Variants in COL6A3 observed in about 807,000 individuals in gnomAD.
The protein encoded by COL6A3 is collagen alpha-3(VI) chain.
Under a neutral mutation model 274.1 loss-of-function variants are expected in COL6A3, and 137 were observed. That is an observed-to-expected ratio of 0.50 (90% CI 0.44 to 0.58). COL6A3 has a LOEUF of 0.58. Among genes scored for constraint, COL6A3 ranks in the 20% least tolerant of loss-of-function variants. COL6A3 has a pLI of 0.00. For synonymous variants in COL6A3, 1,650 were observed against 1,650.6 expected, an observed-to-expected ratio of 1.00 and a Z score of 0.01; for missense variants, 3,950 against 4,124.9, an observed-to-expected ratio of 0.96 and a Z score of 1.16.
chr2:237,381,908 T>G (rs545202748), intron 4 of COL6A3, among the ~76,000 whole-genome samples: 5 of 152,184 alleles, frequency 3.3e-5, no homozygotes, highest in Non-Finnish European at 7.3e-5. Context: ...TGCCTCACAG[T>G]CTTCATTTCA....
chr2:237,408,618 C>G (rs1183718263), intron 1 of COL6A3, among the ~76,000 whole-genome samples: 3 of 152,200 alleles, frequency 2.0e-5, no homozygotes, highest in African/African-American at 7.2e-5. Flanking sequence ...ATGAGCTCTT[C>G]CTTCCAGTGA....
intron 7 of COL6A3, among the ~76,000 whole-genome samples, chr2:237,376,277 A>G (rs1335150945): frequency 1.3e-5 from 2 of 152,190 alleles, no homozygotes; most frequent in African/African-American, 4.8e-5. Context: ...TGGCAGTGTC[A>G]ATTAGCAGTT....
chr2:237,339,145 T>A (rs770693122), intron 38 of COL6A3, 28 bp from the exon 39 acceptor site: 2 of 1,459,608 alleles, frequency 1.4e-6, no homozygotes, highest in Non-Finnish European at 1.9e-6. Flanking sequence ...AGAAAACAAT[T>A]GAACCGCATG....
At chr2:237,373,706 C>A (rs1042778474) in intron 8 of COL6A3, among the ~76,000 whole-genome samples, 2 of 152,150 alleles carry the variant, frequency 1.3e-5, no homozygotes, top group Non-Finnish European at 2.9e-5. Context: ...ACTGTGAACC[C>A]CCCCCACCCG....
rs113823853 is a variant in COL6A3, at chr2:237,345,263, G to A, written c.7093-50C>T. On this transcript the variant is annotated intron_variant, in intron 32 of 43. Coordinates refer to ENST00000295550, the MANE Select transcript of COL6A3 (RefSeq NM_004369.4). Reference sequence around the variant, plus strand: ...GAGAGGCACAGCAGATGGGGAATTCGAATAAACAGGCTTTGGCCCCCAGAA... The same window carrying A: ...GAGAGGCACAGCAGATGGGGAATTCAAATAAACAGGCTTTGGCCCCCAGAA... 1,852 of 1,586,676 alleles carry A rather than the reference G, an allele frequency of 1.2e-3. 23 individuals carry two copies. The African/African-American group carries it at 0.022, about 19-fold the overall frequency.
intron 1 of COL6A3, among the ~76,000 whole-genome samples, chr2:237,406,480 G>T (rs1278954121): frequency 6.6e-6 from 1 of 152,094 alleles, no homozygotes; most frequent in South Asian, 2.1e-4. Context: ...TGGGAGCAGT[G>T]GAAATAGTCA....
chr2:237,380,879 C>T (rs2077984398), intron 5 of COL6A3, 36 bp downstream of exon 5: 5 of 1,594,704 alleles, frequency 3.1e-6, no homozygotes, highest in Non-Finnish European at 4.3e-6. Context: ...GCCTGGAGAC[C>T]ACCCCATTGT....
In COL6A3 at chr2:237,365,890, C is replaced by A. The variant is rs886055807; in HGVS notation, c.5646G>T (p.Ser1882=). ...CCACCACTGACACACGCACGGTGGG[C>A]GAGCGGCCACCGCTGCAGCTGACCC... ...MHRVSCSGGR[S]PTVRVSVVAN... Residue 1882 remains serine (S), a synonymous_variant, in exon 12 of 44, where the codon TCG becomes TCT. Transcript: ENST00000295550. 7 of 1,614,144 alleles carry A rather than the reference C, an allele frequency of 4.3e-6. No homozygotes were observed. The highest frequency in any genetic ancestry group is 1.6e-4 in the Middle Eastern group (1 of 6,062).
chr2:237,387,281 G>A (rs562708092), intron 4 of COL6A3, among the ~76,000 whole-genome samples: 2 of 152,326 alleles, frequency 1.3e-5, no homozygotes, highest in East Asian at 3.9e-4. Context: ...ATTATAAGTA[G>A]TTAATACGGT....
intron 4 of COL6A3, chr2:237,386,534 T>C (rs866698061): frequency 1.9e-4 from 29 of 152,214 alleles, no homozygotes; most frequent in African/African-American, 7.0e-4. Flanking sequence ...AAAATTTAGA[T>C]GATTGGTTGC....
At chr2:237,410,342 C>T (rs989725979) in intron 1 of COL6A3, among the ~76,000 whole-genome samples, 4 of 145,400 alleles carry the variant, frequency 2.8e-5, no homozygotes, top group East Asian at 2.0e-4. Flanking sequence ...CTGGTTCTGT[C>T]GCCCAGGCGC....
At chr2:237,396,636 T>C in intron 2 of COL6A3, 91 bp downstream of exon 2, 2 of 1,284,910 alleles carry the variant, frequency 1.6e-6, no homozygotes, top group Non-Finnish European at 2.3e-6. Context: ...TAAGAACATA[T>C]CTAAGCTCTA....
Position 237,345,057 on chromosome 2 carries a change from C to T in COL6A3, c.7162+1G>A, listed in dbSNP as rs755754433. 10 of 1,614,106 alleles carry T rather than the reference C, an allele frequency of 6.2e-6. No homozygotes were observed. The highest frequency in any genetic ancestry group is 6.8e-6 in the Non-Finnish European group (8 of 1,179,992). On this transcript the variant is annotated splice_donor_variant, in intron 34 of 43. Transcript: ENST00000295550. LOFTEE classifies it high-confidence loss of function. Reference sequence around the variant, plus strand: ...GAGACAACAGAAAATCATGTACTTACGGCATTTATCTTTGATGCTTTGGAT... The same window carrying T: ...GAGACAACAGAAAATCATGTACTTATGGCATTTATCTTTGATGCTTTGGAT...
At chr2:237,400,625 TA>T (rs1026476548) in intron 1 of COL6A3, among the ~76,000 whole-genome samples, 49 of 142,674 alleles carry the variant, frequency 3.4e-4, no homozygotes, top group African/African-American at 1.0e-3. Context: ...AAACCTTCCA[TA>T]AAAAAAAAAC....
At position 237,324,199 on chromosome 2, in the gene COL6A3, G is replaced by A. The variant is rs928337021; in HGVS notation, c.*575C>T. 1.3e-5 allele frequency: 2 copies of A among 153,474 alleles called. No individual in the cohort carries two copies. Among genetic ancestry groups the A allele is most frequent in the African/African-American group, 2.4e-5 (1 of 41,218 alleles). 9.5% of individuals were successfully genotyped at this position (153,474 alleles called of 1,614,324 possible). A position where few individuals can be genotyped will look rare whatever the true frequency, so the allele number is the denominator to read the frequency against. On this transcript the variant is annotated 3_prime_UTR_variant, in exon 44 of 44. Transcript: ENST00000295550. ...CTTTAATTAAGGCATTGGTCCCAAC[G>A]GTGCACATAGATTAAGGGATTTTGC... is the stretch of plus-strand genomic sequence containing the variant.
chr2:237,352,625 C>A, intron 25 of COL6A3, 41 bp from the exon 26 acceptor site: 1 of 1,583,936 alleles, frequency 6.3e-7, no homozygotes. Context: ...AATGAGGTGA[C>A]TTTCCATGAG....
chr2:237,355,549 C>T (rs1292702515), intron 23 of COL6A3: 2 of 152,226 alleles, frequency 1.3e-5, no homozygotes, highest in Non-Finnish European at 2.9e-5. Context: ...CACAAGTAAT[C>T]CATTAATTTC....
At chr2:237,325,779 TC>T in intron 42 of COL6A3, 55 bp from the exon 43 acceptor site, 1 of 1,515,296 alleles carries the variant, frequency 6.6e-7, no homozygotes, top group Non-Finnish European at 9.1e-7. Flanking sequence ...GTTACTCGGC[TC>T]CCAGTGCTGG....
chr2:237,381,167 T>TC lies in COL6A3; in HGVS notation c.1644dup (p.Ile549AspfsTer3). On this transcript the variant is annotated frameshift_variant, in exon 5 of 44. Transcript: ENST00000295550. LOFTEE classifies it high-confidence loss of function. ...GTGATCAGCACCAAAAGCTTAGGAA[T>TC]CCCCTCGGCAGCCCGGTAGCCGGCT... The TC allele has an allele frequency of 6.2e-7, 1 of 1,614,242 alleles. No individual in the cohort carries two copies.
Sources: allele counts gnomAD v4.1 joint callset (sites outside exome capture counted in the v4.1 genomes callset), GRCh38; gene constraint gnomAD v4.1.1; transcripts MANE v1.5; gene names NCBI Gene and HGNC (gene_info 2026-07-23, HGNC 2026-07-21).